The following PTPRD variants were observed in gnomAD, a reference collection of about 807,000 sequenced individuals.
PTPRD encodes the protein protein tyrosine phosphatase receptor type D.
Under a neutral mutation model 214.5 loss-of-function variants are expected in PTPRD, and 34 were observed. That is an observed-to-expected ratio of 0.16 (90% CI 0.12 to 0.21). The LOEUF (loss-of-function observed/expected upper bound fraction) is 0.21. PTPRD is among the 10% of genes least tolerant of loss of function. PTPRD has a pLI of 1.00. For missense variants in PTPRD, 2,545 were observed against 2,398.7 expected (o/e 1.06, Z -1.27); for synonymous variants, 1,128 against 845.7 (o/e 1.33, Z -5.79).
At chr9:8,770,942 G>A (rs891505098) in intron 11 of PTPRD, among the ~76,000 whole-genome samples, 3 of 152,122 alleles carry the variant, frequency 2.0e-5, no homozygotes, top group African/African-American at 7.2e-5. Flanking sequence ...CACTTTGGGA[G>A]GCAGAGGCGG....
At chr9:8,728,151 G>A (rs189037315) in intron 12 of PTPRD, among the ~76,000 whole-genome samples, 7 of 152,288 alleles carry the variant, frequency 4.6e-5, no homozygotes, top group Non-Finnish European at 2.9e-5. Flanking sequence ...TAGAGAGGCT[G>A]ACGCAGGAGA....
At chr9:10,355,937 A>G (rs954434068) in intron 2 of PTPRD, among the ~76,000 whole-genome samples, 4 of 152,128 alleles carry the variant, frequency 2.6e-5, no homozygotes, top group African/African-American at 9.7e-5. Flanking sequence ...CTAAGTTAAA[A>G]TCTAAAGTCG....
intron 7 of PTPRD, among the ~76,000 whole-genome samples, chr9:9,688,842 A>T (rs556336367): frequency 2.0e-5 from 3 of 152,042 alleles, no homozygotes; most frequent in African/African-American, 7.2e-5. Context: ...GCATTTAAAA[A>T]AAACAAAGCT....
At chr9:10,326,643 T>A (rs2096648420) in intron 3 of PTPRD, among the ~76,000 whole-genome samples, 1 of 151,642 alleles carries the variant, frequency 6.6e-6, no homozygotes. Flanking sequence ...ATATCAAAAA[T>A]TATTGCTTTT....
chr9:8,783,990 C>A lies in PTPRD; in HGVS notation c.-103-50044G>T, dbSNP rs527679035. Among the ~76,000 whole-genome samples the A allele has an allele frequency of 8.7e-4, 132 of 152,268 alleles. 1 individual carries two copies. The highest frequency in any genetic ancestry group is 2.8e-3 in the African/African-American group (116 of 41,558). On this transcript the variant is annotated intron_variant, in intron 11 of 45. Coordinates refer to ENST00000381196, the MANE Select transcript of PTPRD (RefSeq NM_002839.4). Reference sequence around the variant, plus strand: ...TTCACGAAAGGGTTGTGCGCCTGACCTCTAATGATAATTCGTCATATATCC... The same window carrying A: ...TTCACGAAAGGGTTGTGCGCCTGACATCTAATGATAATTCGTCATATATCC...
intron 3 of PTPRD, among the ~76,000 whole-genome samples, chr9:10,057,053 G>T (rs2097665244): frequency 6.6e-6 from 1 of 152,080 alleles, no homozygotes; most frequent in South Asian, 2.1e-4. Flanking sequence ...ATACCAAATT[G>T]CAAGTCAGCA....
chr9:8,932,254 G>C (rs556689595), intron 11 of PTPRD, among the ~76,000 whole-genome samples: 1 of 152,060 alleles, frequency 6.6e-6, no homozygotes, highest in Non-Finnish European at 1.5e-5. Context: ...TGATGTTAGG[G>C]TGTCGACTTT....
At chr9:8,652,246 G>A (rs2096827714) in intron 12 of PTPRD, among the ~76,000 whole-genome samples, 1 of 152,278 alleles carries the variant, frequency 6.6e-6, no homozygotes, top group East Asian at 1.9e-4. Flanking sequence ...AAACACTTCT[G>A]GTGGTGGATT....
At chr9:8,982,842 T>C (rs1210922038) in intron 11 of PTPRD, among the ~76,000 whole-genome samples, 1 of 152,008 alleles carries the variant, frequency 6.6e-6, no homozygotes, top group Non-Finnish European at 1.5e-5. Context: ...AAGCTCCTTT[T>C]TGAGACTATT....
At position 8,339,124 on chromosome 9, in the gene PTPRD, A is replaced by C. The variant is rs1052627298; in HGVS notation, c.5254-77T>G. On this transcript the variant is annotated intron_variant, in intron 42 of 45. Coordinates refer to ENST00000381196, the MANE Select transcript of PTPRD (RefSeq NM_002839.4). The stretch of plus-strand genomic sequence containing the variant: ...TGTATATTATCTATCTATCTATCTA[A>C]TCTATCTAATTTCCTTATCCCATTA... 11 of 1,360,150 alleles carry C rather than the reference A, an allele frequency of 8.1e-6. 1 individual carries two copies. The Admixed American group carries it at 9.6e-5, about 12-fold the overall frequency. 84.3% of individuals were successfully genotyped at this position (1,360,150 alleles called of 1,614,324 possible).
At chr9:8,761,094 T>C (rs1361023731) in intron 11 of PTPRD, among the ~76,000 whole-genome samples, 3 of 152,158 alleles carry the variant, frequency 2.0e-5, no homozygotes, top group Non-Finnish European at 4.4e-5. Context: ...AAGCTACAGG[T>C]AGAAAAATTT....
chr9:10,242,672 G>C (rs116974355), intron 3 of PTPRD, among the ~76,000 whole-genome samples: 972 of 85,692 alleles, frequency 0.011, 7 homozygotes, highest in Admixed American at 0.016. Context: ...AAATCAATCA[G>C]CTTAAGGGCT....
Position 9,747,812 on chromosome 9 carries a change from C to T in PTPRD, c.-325-13241G>A, listed in dbSNP as rs2098473723. Among the ~76,000 whole-genome samples the T allele has an allele frequency of 2.0e-5, 3 of 152,120 alleles. No homozygotes were observed. In the South Asian group the frequency reaches 6.2e-4, roughly 31 times the overall value. On this transcript the variant is annotated intron_variant, in intron 6 of 45. Coordinates refer to ENST00000381196, the MANE Select transcript of PTPRD (RefSeq NM_002839.4). ...AGGTGATCTACCTGCCTCGGCCTCCCAAAGTGCTGGGATTAGAGACGTGAG... is the reference window on the plus strand; with the variant it reads ...AGGTGATCTACCTGCCTCGGCCTCCTAAAGTGCTGGGATTAGAGACGTGAG...
intron 5 of PTPRD, among the ~76,000 whole-genome samples, chr9:9,936,358 C>T (rs1395783291): frequency 1.3e-5 from 2 of 151,762 alleles, no homozygotes; most frequent in Non-Finnish European, 2.9e-5. Context: ...CCAGAATCTA[C>T]AATGAACTCA....
chr9:9,681,257 G>C (rs573922501), intron 7 of PTPRD, among the ~76,000 whole-genome samples: 34 of 151,710 alleles, frequency 2.2e-4, no homozygotes, highest in African/African-American at 8.0e-4. Context: ...GTAGGGTGCG[G>C]AGCCCTGTTT....
chr9:9,222,939 T>G (rs2099957118), intron 9 of PTPRD, among the ~76,000 whole-genome samples: 1 of 152,108 alleles, frequency 6.6e-6, no homozygotes, highest in Non-Finnish European at 1.5e-5. Flanking sequence ...AATGGATGAC[T>G]TGCATAATTA....
intron 8 of PTPRD, among the ~76,000 whole-genome samples, chr9:9,456,713 A>T (rs1406266113): frequency 1.3e-5 from 2 of 151,898 alleles, no homozygotes; most frequent in Non-Finnish European, 2.9e-5. Context: ...TTAAACTGCT[A>T]CATAGTAAAT....
chr9:9,027,134 A>T (rs977221224), intron 10 of PTPRD, among the ~76,000 whole-genome samples: 1 of 151,636 alleles, frequency 6.6e-6, no homozygotes, highest in Non-Finnish European at 1.5e-5. Context: ...GACATCTGGC[A>T]TACATTCTGA....
chr9:9,898,296 C>G (rs2075551707), intron 5 of PTPRD, among the ~76,000 whole-genome samples: 1 of 151,872 alleles, frequency 6.6e-6, no homozygotes, highest in Non-Finnish European at 1.5e-5. Flanking sequence ...GTAGTGAATT[C>G]CTTATTCAAT....
Sources: gnomAD v4.1 joint callset for allele counts (sites outside exome capture counted in the v4.1 genomes callset) on GRCh38, gnomAD v4.1.1 for gene constraint, MANE v1.5 for transcripts, NCBI Gene and HGNC (gene_info 2026-07-23, HGNC 2026-07-21) for gene names.